The following CELF2 variants were observed in gnomAD, a reference collection of about 807,000 sequenced individuals.
CELF2 encodes the protein CUGBP Elav-like family member 2, also known as CUG triplet repeat RNA-binding protein 2.
A neutral mutation model predicts 62.6 loss-of-function variants in CELF2; 8 were observed. The ratio of observed to expected loss-of-function variants is 0.13; its 90% CI spans 0.07 to 0.23. The LOEUF is 0.23. Ranked by LOEUF, CELF2 falls within the 10% of genes least tolerant of loss-of-function variation. The pLI, the probability that CELF2 is intolerant of heterozygous loss-of-function variation, is 1.00. For missense variants in CELF2, 333 were observed against 671.0 expected, an observed-to-expected ratio of 0.50 and a Z score of 5.56; for synonymous variants, 258 against 250.0, an observed-to-expected ratio of 1.03 and a Z score of -0.30.
At chr10:10,598,840 G>A in the CELF2 span, among the ~76,000 whole-genome samples, 4 of 121,584 alleles carry the variant, frequency 3.3e-5, no homozygotes, top group Admixed American at 2.2e-4. Context: ...TGCAACCTCC[G>A]CCTCCCGGGT....
At chr10:10,780,928 C>A in the CELF2 span, among the ~76,000 whole-genome samples, 5 of 152,358 alleles carry the variant, frequency 3.3e-5, no homozygotes, top group Admixed American at 6.5e-5. Context: ...TTACTACAGA[C>A]TGAGCAACTA....
intron 2 of CELF2, among the ~76,000 whole-genome samples, chr10:11,187,517 A>T (rs1278279896): frequency 6.6e-6 from 1 of 152,186 alleles, no homozygotes; most frequent in Non-Finnish European, 1.5e-5. Context: ...TAGATAATTA[A>T]CATATAATGT....
chr10:11,192,435 C>T (rs763926311), intron 2 of CELF2, among the ~76,000 whole-genome samples: 1 of 152,364 alleles, frequency 6.6e-6, no homozygotes, highest in Admixed American at 6.5e-5. Context: ...CAGTGCTGCC[C>T]AGCCCTGCCA....
the CELF2 span, among the ~76,000 whole-genome samples, chr10:10,637,246 T>C: frequency 6.6e-6 from 1 of 152,188 alleles, no homozygotes; most frequent in Non-Finnish European, 1.5e-5. Flanking sequence ...AGGGATTTAC[T>C]ATGTCCCCCA....
the CELF2 span, among the ~76,000 whole-genome samples, chr10:10,622,822 G>A: frequency 6.2e-3 from 940 of 152,006 alleles, 11 homozygotes; most frequent in African/African-American, 0.022. Context: ...AGCCGGGCGC[G>A]GTGGCTTATG....
intron 1 of CELF2, among the ~76,000 whole-genome samples, chr10:11,115,963 A>C (rs964857155): frequency 6.6e-6 from 1 of 152,206 alleles, no homozygotes; most frequent in African/African-American, 2.4e-5. Flanking sequence ...TGGTATGTGA[A>C]GAAGACACAT....
At chr10:10,880,175 C>T (rs2061360175) in intron 1 of CELF2, among the ~76,000 whole-genome samples, 1 of 152,128 alleles carries the variant, frequency 6.6e-6, no homozygotes, top group Non-Finnish European at 1.5e-5. Flanking sequence ...GAGACTGTTA[C>T]TAGTTTCTTG....
At chr10:10,472,922 A>G in the CELF2 span, among the ~76,000 whole-genome samples, 3 of 151,812 alleles carry the variant, frequency 2.0e-5, no homozygotes, top group Non-Finnish European at 4.4e-5. Flanking sequence ...CTCCCTTTCT[A>G]TGGGTTCTTC....
intron 12 of CELF2, among the ~76,000 whole-genome samples, chr10:11,327,242 C>T (rs1175927828): frequency 6.6e-6 from 1 of 152,056 alleles, no homozygotes; most frequent in Non-Finnish European, 1.5e-5. Flanking sequence ...AGGGAGGCTT[C>T]CCTACATGAT....
the CELF2 span, among the ~76,000 whole-genome samples, chr10:10,552,126 T>C: frequency 2.0e-5 from 3 of 152,164 alleles, no homozygotes; most frequent in Admixed American, 6.5e-5. Flanking sequence ...ACAAGGCTTT[T>C]GTTGTTCTTG....
intron 1 of CELF2, among the ~76,000 whole-genome samples, chr10:10,908,281 A>G (rs549972265): frequency 1.7e-5 from 2 of 120,654 alleles, no homozygotes; most frequent in Non-Finnish European, 3.2e-5. Context: ...GTGCAGTGGC[A>G]CAATCTTGGC....
At chr10:10,810,373 A>AT (rs60348033) in intron 1 of CELF2, among the ~76,000 whole-genome samples, 16,772 of 152,152 alleles carry the variant, frequency 0.11, 1,312 homozygotes, top group East Asian at 0.34. Flanking sequence ...GGCCTTTAAG[A>AT]TTTTTTTACC....
At chr10:10,732,681 G>A in the CELF2 span, among the ~76,000 whole-genome samples, 4 of 151,950 alleles carry the variant, frequency 2.6e-5, no homozygotes, top group South Asian at 2.1e-4. Context: ...CCACCACCAC[G>A]CCTGGCTAGT....
chr10:11,241,861 C>T (rs913828153), intron 3 of CELF2, among the ~76,000 whole-genome samples: 2 of 151,976 alleles, frequency 1.3e-5, no homozygotes, highest in Non-Finnish European at 2.9e-5. Flanking sequence ...CAGTTGGTGG[C>T]AAATCTTTTG....
At chr10:10,825,461 C>T (rs1264922755) in intron 1 of CELF2, among the ~76,000 whole-genome samples, 3 of 152,296 alleles carry the variant, frequency 2.0e-5, no homozygotes, top group Admixed American at 1.3e-4. Flanking sequence ...CTGTCCACCT[C>T]GGCCTCCCAA....
intron 3 of CELF2, among the ~76,000 whole-genome samples, chr10:11,245,026 A>C (rs2075191769): frequency 6.6e-6 from 1 of 152,170 alleles, no homozygotes; most frequent in African/African-American, 2.4e-5. Flanking sequence ...TCACAATGAG[A>C]ACCCCTTCTC....
the CELF2 span, among the ~76,000 whole-genome samples, chr10:10,484,327 C>T: frequency 2.9e-5 from 1 of 34,288 alleles, no homozygotes; most frequent in Non-Finnish European, 5.4e-5. Flanking sequence ...TCTTGTCTCA[C>T]TCTCATCTCA....
At chr10:10,795,521 A>G (rs1055388994), upstream of CELF2, among the ~76,000 whole-genome samples, 1 of 152,180 alleles carries the variant, frequency 6.6e-6, no homozygotes, top group Non-Finnish European at 1.5e-5. Flanking sequence ...AGTTTTGAAC[A>G]AGGCAACATT....
rs1239884068 is a variant in CELF2 at position 11,157,894 on chromosome 10, G to T, written c.75-7592G>T. Among the ~76,000 whole-genome samples, 1 of 152,208 alleles carries T rather than the reference G, an allele frequency of 6.6e-6. No individual in the cohort carries two copies. Among genetic ancestry groups the T allele is most frequent in the Non-Finnish European group, 1.5e-5 (1 of 68,046 alleles). On this transcript the variant is annotated intron_variant, in intron 1 of 12. Transcript: ENST00000633077. The surrounding 1 kb of genome is among the most constrained non-coding windows in gnomAD (Gnocchi z 4.9). ...AAACAGAAGTTACCTGCCTTGAGAA[G>T]CACAGTCACCACAACCTAGTCTGCA... is the stretch of plus-strand genomic sequence containing the variant.
Sources: gnomAD v4.1 joint callset for allele counts (sites outside exome capture counted in the v4.1 genomes callset) on GRCh38, gnomAD v4.1.1 for gene constraint, Gnocchi (gnomAD v3.1) non-coding constraint, MANE v1.5 for transcripts, NCBI Gene and HGNC (gene_info 2026-07-23, HGNC 2026-07-21) for gene names.